The following CCDC69 variants were observed in gnomAD, a reference collection of about 807,000 sequenced individuals.
The protein encoded by CCDC69 is coiled-coil domain-containing protein 69.
A neutral mutation model predicts 40.3 loss-of-function variants in CCDC69; 38 were observed. That is an observed-to-expected ratio of 0.94 (90% CI 0.73 to 1.24). The LOEUF (loss-of-function observed/expected upper bound fraction) is 1.24. Among genes scored for constraint, CCDC69 ranks in the 50% most tolerant of loss-of-function variants. The probability of loss-of-function intolerance (pLI) is 0.00; values close to 1 mark genes in which losing one functional copy is unlikely to be tolerated. For synonymous variants in CCDC69, 141 were observed against 138.9 expected (o/e 1.02, Z -0.11); for missense variants, 389 against 357.9 (o/e 1.09, Z -0.70).
chr5:151,209,581 T>C (rs2113998981), intron 1 of CCDC69, among the ~76,000 whole-genome samples: 1 of 151,962 alleles, frequency 6.6e-6, no homozygotes, highest in East Asian at 1.9e-4. Flanking sequence ...TTCTTTTTCT[T>C]CTGTCTTTTT....
intron 4 of CCDC69, among the ~76,000 whole-genome samples, chr5:151,197,043 G>A (rs1752709874): frequency 6.6e-6 from 1 of 152,244 alleles, no homozygotes; most frequent in Non-Finnish European, 1.5e-5. Context: ...AAGAAACAAA[G>A]TGTAGATGCA....
At position 151,182,771 on chromosome 5, in the gene CCDC69, T is replaced by G. The variant is rs1031548576; in HGVS notation, c.*666A>C. 6.0e-6 allele frequency: 2 copies of G among 330,870 alleles called. No homozygotes were observed. Among genetic ancestry groups the G allele is most frequent in the Non-Finnish European group, 1.2e-5 (2 of 166,932 alleles). The allele number at this position is 330,870 out of a possible 1,614,324, so 20.5% of individuals were successfully genotyped here. A position where few individuals can be genotyped will look rare whatever the true frequency, so the allele number is the denominator to read the frequency against. On this transcript the variant is annotated 3_prime_UTR_variant, in exon 9 of 9. Transcript: ENST00000355417. ...TACTGTCCCTTGGTGGACACGACTCTGGCCCAGGAATGATGCCTCAGCTGG... is the reference window on the plus strand; with the variant it reads ...TACTGTCCCTTGGTGGACACGACTCGGGCCCAGGAATGATGCCTCAGCTGG...
chr5:151,199,107 A>C (rs1288181573), intron 3 of CCDC69, 23 bp from the exon 4 acceptor site: 2 of 1,593,962 alleles, frequency 1.3e-6, no homozygotes, highest in Non-Finnish European at 1.7e-6. Flanking sequence ...AGTCCCGGGC[A>C]GGACTGAGAT....
intron 4 of CCDC69, among the ~76,000 whole-genome samples, chr5:151,197,241 G>A (rs1752711827): frequency 6.6e-6 from 1 of 152,176 alleles, no homozygotes. Context: ...AGAAGTGACT[G>A]CTTAGGCTGG....
Position 151,185,445 on chromosome 5 carries a change from G to A in CCDC69, c.592C>T (p.Arg198Trp), listed in dbSNP as rs73796622. 6.6e-4 allele frequency: 1,063 copies of A among 1,614,008 alleles called. 9 individuals carry two copies. The African/African-American group carries it at 0.012, about 18-fold the overall frequency. Residue 198 changes from arginine (R) to tryptophan (W), a missense_variant, in exon 7 of 9, where the codon CGG becomes TGG. Physicochemically the swap from Arg to Trp is moderately radical, Grantham distance 101. Coordinates refer to ENST00000355417, the MANE Select transcript of CCDC69 (RefSeq NM_015621.3). ...ACCACTGTTTCCATGAGGATCAGCC[G>A]CCTGTCCAGCTCATGAATACGCTCA... Reference protein sequence around the residue: ...KNERIHELDRRLILMETVKEK... With the variant: ...KNERIHELDRWLILMETVKEK...
intron 4 of CCDC69, among the ~76,000 whole-genome samples, chr5:151,192,483 G>T (rs919987495): frequency 6.6e-6 from 1 of 151,026 alleles, no homozygotes; most frequent in African/African-American, 2.4e-5. Flanking sequence ...CCAAGGTGAA[G>T]TATATAACCT....
chr5:151,202,824 C>T (rs369544596), intron 2 of CCDC69, among the ~76,000 whole-genome samples: 1 of 152,328 alleles, frequency 6.6e-6, no homozygotes, highest in East Asian at 1.9e-4. Context: ...AGTGGCCATC[C>T]TCTCTGTGCC....
At chr5:151,220,224 C>G (rs748863493) in intron 1 of CCDC69, among the ~76,000 whole-genome samples, 4 of 152,192 alleles carry the variant, frequency 2.6e-5, no homozygotes, top group Non-Finnish European at 5.9e-5. Context: ...GCCTCCTTAT[C>G]TCCTTCAAAG....
Position 151,208,882 on chromosome 5 carries a change from T to C in CCDC69, c.49-3407A>G, listed in dbSNP as rs562499945. Among the ~76,000 whole-genome samples, 6 of 152,320 alleles carry C rather than the reference T, an allele frequency of 3.9e-5. No homozygotes were observed. The South Asian group carries it at 1.2e-3, about 32-fold the overall frequency. On this transcript the variant is annotated intron_variant, in intron 1 of 8. Coordinates refer to ENST00000355417, the MANE Select transcript of CCDC69 (RefSeq NM_015621.3). The stretch of plus-strand genomic sequence containing the variant: ...GTGAGGTGGGGATGAGGACGTCTGG[T>C]GGTTTAACTGGATGATCCCATAGTG...
At position 151,181,517 on chromosome 5, in the gene CCDC69, C is replaced by T. The variant is rs1766629086; in HGVS notation, c.*1920G>A. 1 of 152,420 alleles carries T rather than the reference C, an allele frequency of 6.6e-6. No individual in the cohort carries two copies. 9.4% of individuals were successfully genotyped at this position (152,420 alleles called of 1,614,324 possible). A position where few individuals can be genotyped will look rare whatever the true frequency, so the allele number is the denominator to read the frequency against. ...ACAGGCGTGAGCCACTGTGCCTGGA[C>T]TAAAACAATGCTTTCTAAAGCGCAT... On this transcript the variant is annotated 3_prime_UTR_variant, in exon 9 of 9. Transcript: ENST00000355417.
chr5:151,215,778 A>G (rs1753029805), intron 1 of CCDC69: 1 of 249,014 alleles, frequency 4.0e-6, no homozygotes, highest in Non-Finnish European at 9.1e-6. Flanking sequence ...AGAAATAAGT[A>G]CCCATTAGTG....
intron 3 of CCDC69, 111 bp from the exon 4 acceptor site, chr5:151,199,195 C>T: frequency 2.4e-6 from 2 of 825,654 alleles, no homozygotes; most frequent in East Asian, 2.4e-5. Flanking sequence ...CCTAACCCTT[C>T]CTCTGAGGGA....
intron 4 of CCDC69, among the ~76,000 whole-genome samples, chr5:151,194,520 G>A (rs996460859): frequency 6.6e-6 from 1 of 152,210 alleles, no homozygotes; most frequent in African/African-American, 2.4e-5. Flanking sequence ...GGAGAAGGAT[G>A]TGAATACAAG....
At chr5:151,191,685 C>T (rs1236260586) in intron 4 of CCDC69, among the ~76,000 whole-genome samples, 1 of 152,066 alleles carries the variant, frequency 6.6e-6, no homozygotes, top group Non-Finnish European at 1.5e-5. Flanking sequence ...ATAAAACCAT[C>T]AATATGTAGG....
rs969897219 is a variant in CCDC69 at position 151,183,134 on chromosome 5, C to T, written c.*303G>A. 7 of 528,876 alleles carry T rather than the reference C, an allele frequency of 1.3e-5. No individual in the cohort carries two copies. Among genetic ancestry groups the T allele is most frequent in the Non-Finnish European group, 2.2e-5 (6 of 278,838 alleles). 32.8% of individuals were successfully genotyped at this position (528,876 alleles called of 1,614,324 possible). On this transcript the variant is annotated 3_prime_UTR_variant, in exon 9 of 9. Coordinates refer to ENST00000355417, the MANE Select transcript of CCDC69 (RefSeq NM_015621.3). The stretch of plus-strand genomic sequence containing the variant: ...AATGGCCAGCGTGACACAGACTGCC[C>T]CTGGGAAAGCCTCGGAACTTCTCGG...
Position 151,182,976 on chromosome 5 carries a change from C to T in CCDC69, c.*461G>A, listed in dbSNP as rs1582036624. On this transcript the variant is annotated 3_prime_UTR_variant, in exon 9 of 9. Coordinates refer to ENST00000355417, the MANE Select transcript of CCDC69 (RefSeq NM_015621.3). ...AGAGTCCTTTGACCAGTCCCCCCAC[C>T]ATTTTAATGCAGGGGTAAACTGAGG... 2.2e-6 allele frequency: 1 copy of T among 452,378 alleles called. No homozygotes were observed. Among genetic ancestry groups the T allele is most frequent in the East Asian group, 7.0e-5 (1 of 14,274 alleles). 28.0% of individuals were successfully genotyped at this position (452,378 alleles called of 1,614,324 possible).
chr5:151,202,727 G>T (rs1434352895), intron 2 of CCDC69, among the ~76,000 whole-genome samples: 5 of 152,170 alleles, frequency 3.3e-5, no homozygotes, highest in African/African-American at 1.2e-4. Context: ...ACACAAACAG[G>T]AAGTCTAGCC....
At chr5:151,222,358 A>G (rs546019317) in intron 1 of CCDC69, among the ~76,000 whole-genome samples, 12 of 152,354 alleles carry the variant, frequency 7.9e-5, no homozygotes, top group African/African-American at 2.6e-4. Context: ...GGAGCCAAAG[A>G]ACCTGTGCTT....
intron 1 of CCDC69, among the ~76,000 whole-genome samples, chr5:151,213,419 T>C (rs999748916): frequency 1.3e-5 from 2 of 151,418 alleles, no homozygotes; most frequent in Non-Finnish European, 2.9e-5. Context: ...GCTATTTTTT[T>C]TTTTTTGTAT....
Sources: gnomAD v4.1 joint callset for allele counts (sites outside exome capture counted in the v4.1 genomes callset) on GRCh38, gnomAD v4.1.1 for gene constraint, MANE v1.5 for transcripts, NCBI Gene and HGNC (gene_info 2026-07-23, HGNC 2026-07-21) for gene names.